The following LAMA3 variants were observed in gnomAD, a reference collection of about 807,000 sequenced individuals.
LAMA3 encodes laminin subunit alpha 3, also known as laminin subunit alpha-3.
LAMA3 carries 281 observed loss-of-function variants against 402.0 expected under a neutral mutation model. The observed-to-expected ratio is 0.70, with a 90% CI of 0.63 to 0.77. The LOEUF (loss-of-function observed/expected upper bound fraction) is 0.77, where lower values mean the gene tolerates loss of function less well. LAMA3 is among the 30% of genes least tolerant of loss of function. The pLI, the probability that LAMA3 is intolerant of heterozygous loss-of-function variation, is 0.00. For synonymous variants in LAMA3, 1,431 were observed against 1,558.4 expected (o/e 0.92, Z 1.93); for missense variants, 3,840 against 4,215.5 (o/e 0.91, Z 2.47).
intron 14 of LAMA3, among the ~76,000 whole-genome samples, chr18:23,813,600 G>A (rs1327983243): frequency 7.5e-6 from 1 of 134,086 alleles, no homozygotes; most frequent in African/African-American, 2.9e-5. Context: ...CCGGAGTGCA[G>A]TGCCGCGATC....
At position 23,932,178 on chromosome 18, in the gene LAMA3, T is replaced by A. The variant is rs768355739; in HGVS notation, c.8595T>A (p.Asp2865Glu). Residue 2865 changes from aspartate (D) to glutamate (E), a missense_variant, in exon 66 of 75, where the codon GAT becomes GAA. This residue lies in a region of LAMA3 where 840 missense variants were observed against 981.9 expected (regional missense o/e 0.86). Transcript: ENST00000313654. ...CTTTCAGACTACGGCTTCTCATCGA[T>A]GACCAGCTTCTGAGAAATAGCAAAA... ...SDNSGLRLLI[D>E]DQLLRNSKRL... is the part of the protein sequence containing the mutation. The A allele has an allele frequency of 1.2e-6, 2 of 1,614,106 alleles. No individual in the cohort carries two copies. Among genetic ancestry groups the A allele is most frequent in the Admixed American group, 1.7e-5 (1 of 60,022 alleles).
At chr18:23,908,116 C>T (rs540148636) in intron 54 of LAMA3, among the ~76,000 whole-genome samples, 181 bp downstream of exon 54, 1 of 152,292 alleles carries the variant, frequency 6.6e-6, no homozygotes, top group African/African-American at 2.4e-5. Context: ...AAGGACCAGA[C>T]AGGATTTTTA....
At chr18:23,809,561 C>T (rs1568206383) in intron 12 of LAMA3, among the ~76,000 whole-genome samples, 1 of 152,190 alleles carries the variant, frequency 6.6e-6, no homozygotes, top group South Asian at 2.1e-4. Flanking sequence ...CCTTGTGCAA[C>T]TCCAGCCCAT....
chr18:23,700,710 T>TC (rs969206775), intron 1 of LAMA3, among the ~76,000 whole-genome samples: 8 of 152,016 alleles, frequency 5.3e-5, no homozygotes, highest in African/African-American at 9.7e-5. Flanking sequence ...TCTTTTCTTT[T>TC]TTTTTGAGGC....
At chr18:23,776,937 T>A (rs201591589) in intron 10 of LAMA3, among the ~76,000 whole-genome samples, 5 of 150,384 alleles carry the variant, frequency 3.3e-5, no homozygotes, top group African/African-American at 1.2e-4. Context: ...GCCTGCCAGG[T>A]TCAAGCGATT....
intron 1 of LAMA3, among the ~76,000 whole-genome samples, chr18:23,694,382 C>A (rs1352796357): frequency 1.3e-5 from 2 of 152,094 alleles, no homozygotes; most frequent in Non-Finnish European, 2.9e-5. Flanking sequence ...GAGGAATGGC[C>A]TAGTAATGAG....
At chr18:23,747,042 G>C (rs1050224391) in intron 2 of LAMA3, among the ~76,000 whole-genome samples, 28 of 152,202 alleles carry the variant, frequency 1.8e-4, no homozygotes, top group African/African-American at 6.7e-4. Flanking sequence ...TGGGCTAGAG[G>C]CGAGTGCTCC....
At chr18:23,722,396 T>C (rs571591664) in intron 2 of LAMA3, among the ~76,000 whole-genome samples, 1 of 152,342 alleles carries the variant, frequency 6.6e-6, no homozygotes, top group East Asian at 1.9e-4. Context: ...TGTGAACATA[T>C]TCTTTTTGTA....
At chr18:23,905,905 C>T (rs1469324285) in intron 52 of LAMA3, among the ~76,000 whole-genome samples, 1 of 152,116 alleles carries the variant, frequency 6.6e-6, no homozygotes, top group African/African-American at 2.4e-5. Flanking sequence ...GCTGAGATTA[C>T]AGGCGTGCAC....
At chr18:23,931,324 G>A in intron 65 of LAMA3, 123 bp downstream of exon 65, 1 of 804,010 alleles carries the variant, frequency 1.2e-6, no homozygotes, top group South Asian at 1.4e-5. Flanking sequence ...TCACTAATAA[G>A]TCTTGTCCTT....
At chr18:23,855,042 A>T (rs1445637821) in intron 32 of LAMA3, among the ~76,000 whole-genome samples, 1 of 152,166 alleles carries the variant, frequency 6.6e-6, no homozygotes, top group African/African-American at 2.4e-5. Flanking sequence ...ACACAAAAAA[A>T]CCACAGGCTC....
At chr18:23,812,905 C>G (rs1023433246) in intron 13 of LAMA3, 152 bp from the exon 14 acceptor site, 1 of 650,590 alleles carries the variant, frequency 1.5e-6, no homozygotes, top group Non-Finnish European at 2.8e-6. Context: ...AGATGCCTGA[C>G]TATGAATTGC....
chr18:23,858,884 A>T, intron 34 of LAMA3, 55 bp downstream of exon 34: 4 of 1,542,068 alleles, frequency 2.6e-6, no homozygotes, highest in Non-Finnish European at 3.6e-6. Context: ...TTGTTAAATG[A>T]TAAGCATATC....
chr18:23,692,397 G>A (rs1396383853), intron 1 of LAMA3, among the ~76,000 whole-genome samples: 2 of 152,092 alleles, frequency 1.3e-5, no homozygotes, highest in Non-Finnish European at 2.9e-5. Context: ...TCAGCCTCCC[G>A]AGTAGCTGGG....
chr18:23,748,124 G>T lies in LAMA3; in HGVS notation c.565+64G>T, dbSNP rs9955745. The T allele has an allele frequency of 0.13, 131,623 of 993,802 alleles. 14,912 individuals are homozygous for T. Among genetic ancestry groups the T allele is most frequent in the East Asian group, 0.58 (24,314 of 42,002 alleles). The allele number at this position is 993,802 out of a possible 1,614,324, so 61.6% of individuals were successfully genotyped here. On this transcript the variant is annotated intron_variant, in intron 3 of 74. Transcript: ENST00000313654. ...TTACTTGGAACAGATAAAGACTATG[G>T]ATTTAATTAGAAAATTAATCTTGGC...
At chr18:23,939,983 G>C (rs932843538) in intron 68 of LAMA3, among the ~76,000 whole-genome samples, 6 of 152,148 alleles carry the variant, frequency 3.9e-5, no homozygotes, top group South Asian at 2.1e-4. Context: ...AGAATTGCCC[G>C]GGGGGCTAAA....
chr18:23,782,139 C>G (rs1262846358), intron 11 of LAMA3, among the ~76,000 whole-genome samples: 1 of 152,186 alleles, frequency 6.6e-6, no homozygotes, highest in Non-Finnish European at 1.5e-5. Context: ...GAAAATCTTT[C>G]CAAAATGCAT....
In LAMA3 at chr18:23,906,796, G is replaced by A. The variant is rs150947061; in HGVS notation, c.6719-754G>A. Among the ~76,000 whole-genome samples, 31 of 152,174 alleles carry A rather than the reference G, an allele frequency of 2.0e-4. No individual in the cohort carries two copies. In the East Asian group the frequency reaches 3.1e-3, roughly 15 times the overall value. On this transcript the variant is annotated intron_variant, in intron 52 of 74. Coordinates refer to ENST00000313654, the MANE Select transcript of LAMA3 (RefSeq NM_198129.4). ...TTTCTCTCTACAAAATTTGAGCTTC[G>A]AGGTAGGCTCAGTGTGCTAAACAGG... is the stretch of plus-strand genomic sequence containing the variant.
chr18:23,731,763 A>T (rs973561323), intron 2 of LAMA3, among the ~76,000 whole-genome samples: 1 of 132,760 alleles, frequency 7.5e-6, no homozygotes, highest in Non-Finnish European at 1.7e-5. Flanking sequence ...ACTGGGGACT[A>T]CTAGAGGAGG....
Sources: gnomAD v4.1 joint callset for allele counts (sites outside exome capture counted in the v4.1 genomes callset) on GRCh38, gnomAD v4.1.1 for gene constraint, gnomAD v4.1.1 regional missense constraint, MANE v1.5 for transcripts, NCBI Gene and HGNC (gene_info 2026-07-23, HGNC 2026-07-21) for gene names.